Variants in CHAT observed in about 807,000 individuals in gnomAD.
CHAT encodes the protein choline O-acetyltransferase, also known as acetyl CoA:choline O-acetyltransferase.
CHAT carries 61 observed loss-of-function variants against 76.9 expected under a neutral mutation model. The ratio of observed to expected loss-of-function variants is 0.79; its 90% CI spans 0.65 to 0.98. The LOEUF (loss-of-function observed/expected upper bound fraction) is 0.98. Among genes scored for constraint, CHAT ranks in the 50% least tolerant of loss-of-function variants. The probability of loss-of-function intolerance (pLI) is 0.00; values close to 1 mark genes in which losing one functional copy is unlikely to be tolerated. For synonymous variants in CHAT, 407 were observed against 397.4 expected (o/e 1.02, Z -0.29); for missense variants, 946 against 986.9 (o/e 0.96, Z 0.56).
rs1030453900 is a variant in CHAT, at chr10:49,646,788, G to A, written c.1281+114G>A. ...CCGCACGTGCTTGTGTCTGGCAGGCGCACTCACTGGTTTCTGCTGCCTAAG... is the reference window on the plus strand; with the variant it reads ...CCGCACGTGCTTGTGTCTGGCAGGCACACTCACTGGTTTCTGCTGCCTAAG... On this transcript the variant is annotated intron_variant, in intron 8 of 14. Transcript: ENST00000337653. 1.3e-4 allele frequency: 162 copies of A among 1,208,152 alleles called. No homozygotes were observed. The Middle Eastern group carries it at 2.7e-3, about 20-fold the overall frequency. 74.8% of individuals were successfully genotyped at this position (1,208,152 alleles called of 1,614,324 possible). A position where few individuals can be genotyped will look rare whatever the true frequency, so the allele number is the denominator to read the frequency against.
intron 2 of CHAT, among the ~76,000 whole-genome samples, chr10:49,619,491 C>G (rs1214809456): frequency 6.6e-6 from 1 of 152,222 alleles, no homozygotes; most frequent in Non-Finnish European, 1.5e-5. Flanking sequence ...GCCAATATCA[C>G]CGTATTTTCC....
intron 7 of CHAT, among the ~76,000 whole-genome samples, chr10:49,643,777 C>A (rs1191438060): frequency 6.6e-6 from 1 of 152,190 alleles, no homozygotes; most frequent in East Asian, 1.9e-4. Flanking sequence ...GTCCACAGAT[C>A]CCAGCCCTAC....
Position 49,648,573 on chromosome 10 carries a change from C to T in CHAT, c.1348C>T (p.Leu450=). The T allele has an allele frequency of 6.2e-7, 1 of 1,613,886 alleles. No individual in the cohort carries two copies. The highest frequency in any genetic ancestry group is 8.5e-7 in the Non-Finnish European group (1 of 1,179,800). ...ACACTCCCCATTCGATGGCATCGTC[C>T]TGGTGCAGTGCACTGAGCATCTGCT... ...CEHSPFDGIV[L]VQCTEHLLKH... Residue 450 remains leucine (L), a synonymous_variant, in exon 9 of 15, where the codon CTG becomes TTG. Coordinates refer to ENST00000337653, the MANE Select transcript of CHAT (RefSeq NM_020549.5).
intron 4 of CHAT, 87 bp from the exon 5 acceptor site, chr10:49,622,010 G>C: frequency 6.8e-7 from 1 of 1,468,344 alleles, no homozygotes; most frequent in South Asian, 1.1e-5. Flanking sequence ...AAGGAAGAGG[G>C]AAGGAGGGAG....
chr10:49,645,581 G>A (rs1379915761), intron 7 of CHAT, among the ~76,000 whole-genome samples: 2 of 152,126 alleles, frequency 1.3e-5, no homozygotes. Context: ...CCTGCCGGGT[G>A]GGCTTGGTGA....
intron 2 of CHAT, among the ~76,000 whole-genome samples, chr10:49,618,690 G>A (rs1028634957): frequency 1.3e-5 from 2 of 152,200 alleles, no homozygotes; most frequent in African/African-American, 4.8e-5. Context: ...GAAGCCTTCT[G>A]TGGTGAACGC....
chr10:49,656,591 A>T (rs1840043705), intron 13 of CHAT, among the ~76,000 whole-genome samples: 1 of 152,182 alleles, frequency 6.6e-6, no homozygotes, highest in Non-Finnish European at 1.5e-5. Flanking sequence ...CACAGAAGGG[A>T]AAGATGGCTC....
chr10:49,660,869 G>A (rs1367990220), intron 13 of CHAT, among the ~76,000 whole-genome samples: 1 of 152,190 alleles, frequency 6.6e-6, no homozygotes, highest in Non-Finnish European at 1.5e-5. Context: ...AAGGGGGAAA[G>A]AAGCAAGGAA....
chr10:49,623,245 G>A (rs1181099991), intron 5 of CHAT, among the ~76,000 whole-genome samples: 1 of 151,966 alleles, frequency 6.6e-6, no homozygotes, highest in African/African-American at 2.4e-5. Flanking sequence ...TGGGCCTGGG[G>A]ACTTGGTGCC....
At chr10:49,610,480 G>C (rs942420001), upstream of CHAT, 12 of 399,260 alleles carry the variant, frequency 3.0e-5, no homozygotes, top group African/African-American at 2.1e-4. Context: ...CGGCCCCTCG[G>C]CGCGCCCGAC....
intron 7 of CHAT, among the ~76,000 whole-genome samples, chr10:49,643,715 T>C (rs1839564465): frequency 6.6e-6 from 1 of 152,190 alleles, no homozygotes; most frequent in African/African-American, 2.4e-5. Context: ...GACATGGCCT[T>C]TCCCCTTCCC....
In CHAT at chr10:49,640,561, C is replaced by T. The variant is rs145368994; in HGVS notation, c.1112-5944C>T. 5.9e-5 allele frequency among the ~76,000 whole-genome samples: 9 copies of T among 152,090 alleles called. No homozygotes were observed. The East Asian group carries it at 1.5e-3, about 26-fold the overall frequency. ...TATTAATGCTGTGTGGGGAAAAGGA[C>T]GGAGGGCTGGTTATTGCTCAATGGA... On this transcript the variant is annotated intron_variant, in intron 7 of 14. Coordinates refer to ENST00000337653, the MANE Select transcript of CHAT (RefSeq NM_020549.5).
intron 4 of CHAT, among the ~76,000 whole-genome samples, chr10:49,620,916 C>T (rs145476125): frequency 3.9e-5 from 6 of 152,212 alleles, no homozygotes; most frequent in African/African-American, 7.2e-5. Flanking sequence ...TGGGAGGAGG[C>T]GTGTGTCCCT....
At chr10:49,610,670 G>C, upstream of CHAT, 2 of 1,402,152 alleles carry the variant, frequency 1.4e-6, no homozygotes, top group South Asian at 1.6e-5. Context: ...CCGTGCCCTC[G>C]CCTCTGCACT....
chr10:49,610,692 G>A, upstream of CHAT: 1 of 1,448,216 alleles, frequency 6.9e-7, no homozygotes, highest in Non-Finnish European at 9.0e-7. Context: ...CGGGACGCCA[G>A]CGCTCGGCCC....
In CHAT at chr10:49,620,533, C is replaced by A. The variant is rs775282060; in HGVS notation, c.618C>A (p.Asn206Lys). The A allele has an allele frequency of 6.2e-7, 1 of 1,613,892 alleles. No homozygotes were observed. Among genetic ancestry groups the A allele is most frequent in the South Asian group, 1.1e-5 (1 of 91,080 alleles). Residue 206 changes from asparagine (N) to lysine (K), a missense_variant, in exon 4 of 15, where the codon AAC becomes AAA. Asn to Lys is a moderately conservative substitution (Grantham distance 94, BLOSUM62 0). Coordinates refer to ENST00000337653, the MANE Select transcript of CHAT (RefSeq NM_020549.5). The part of the protein sequence containing the change: ...EYWLNDMYLN[N>K]RLALPVNSSP... The stretch of plus-strand genomic sequence containing the variant: ...GGCTGAATGACATGTATCTCAACAA[C>A]CGCCTGGCCCTGCCTGTCAACTCCA...
intron 13 of CHAT, 120 bp from the exon 14 acceptor site, chr10:49,662,525 T>A (rs1336564106): frequency 1.5e-6 from 2 of 1,304,996 alleles, no homozygotes; most frequent in East Asian, 4.6e-5. Context: ...CAGCAGGCAC[T>A]GGGTAAGCAT....
chr10:49,642,609 C>A (rs970648059), intron 7 of CHAT, among the ~76,000 whole-genome samples: 1 of 152,252 alleles, frequency 6.6e-6, no homozygotes, highest in South Asian at 2.1e-4. Context: ...CAGGCCTCCA[C>A]TCTCCTGCCT....
At position 49,614,209 on chromosome 10, in the gene CHAT, A is replaced by T; in HGVS notation, c.20A>T (p.Lys7Met). MGLRTA[K>M]KRGLGGGGKW... ...GAAGGGATGGGGCTGAGGACAGCGA[A>T]GAAGAGGGGGCTTGGGGGAGGGGGG... The change falls in exon 1 of 15, where the codon AAG becomes ATG. Residue 7 changes from lysine (K) to methionine (M), a missense_variant. This residue lies in a region of CHAT where 548 missense variants were observed against 516.2 expected (regional missense o/e 1.06). Transcript: ENST00000337653. The T allele has an allele frequency of 7.8e-7, 1 of 1,286,140 alleles. No individual in the cohort carries two copies. The highest frequency in any genetic ancestry group is 1.1e-6 in the Non-Finnish European group (1 of 931,746). The allele number at this position is 1,286,140 out of a possible 1,614,324, so 79.7% of individuals were successfully genotyped here.
Sources: allele counts gnomAD v4.1 joint callset (sites outside exome capture counted in the v4.1 genomes callset), GRCh38; gene constraint gnomAD v4.1.1; regional missense constraint gnomAD v4.1.1; transcripts MANE v1.5; gene names NCBI Gene and HGNC (gene_info 2026-07-23, HGNC 2026-07-21).